The following FBRSL1 variants were observed in gnomAD, a reference collection of about 807,000 sequenced individuals.
The protein encoded by FBRSL1 is fibrosin-1-like protein.
A neutral mutation model predicts 89.6 loss-of-function variants in FBRSL1; 51 were observed. The ratio of observed to expected loss-of-function variants is 0.57; its 90% CI spans 0.45 to 0.72. The LOEUF (loss-of-function observed/expected upper bound fraction) is 0.72. FBRSL1 is among the 30% of genes least tolerant of loss of function. The probability of loss-of-function intolerance (pLI) is 0.00; values close to 1 mark genes in which losing one functional copy is unlikely to be tolerated. For missense variants in FBRSL1, 1,618 were observed against 1,451.8 expected, an observed-to-expected ratio of 1.11 and a Z score of -1.86; for synonymous variants, 779 against 681.1, an observed-to-expected ratio of 1.14 and a Z score of -2.24.
intron 2 of FBRSL1, chr12:132,511,940 A>G (rs1279504411): frequency 6.1e-6 from 6 of 984,838 alleles, no homozygotes; most frequent in Non-Finnish European, 7.2e-6. Flanking sequence ...CCGTGCCACT[A>G]TTTTTTATAA....
chr12:132,513,978 T>C (rs1474328017), intron 2 of FBRSL1, among the ~76,000 whole-genome samples: 1 of 152,148 alleles, frequency 6.6e-6, no homozygotes, highest in Non-Finnish European at 1.5e-5. Flanking sequence ...GCCCCGTCTC[T>C]CTGGACCCCT....
chr12:132,528,022 C>T (rs2035945672), intron 4 of FBRSL1, 34 bp downstream of exon 4: 2 of 1,547,464 alleles, frequency 1.3e-6, no homozygotes, highest in Non-Finnish European at 8.7e-7. Context: ...CCATCTTTGT[C>T]CCCCTGGGGC....
intron 1 of FBRSL1, among the ~76,000 whole-genome samples, chr12:132,502,094 G>A (rs1167537308): frequency 3.3e-5 from 5 of 152,184 alleles, no homozygotes; most frequent in East Asian, 1.9e-4. Flanking sequence ...TGAGTGATGC[G>A]TCCCACTCAG....
intron 1 of FBRSL1, chr12:132,507,078 C>A: frequency 2.1e-6 from 1 of 475,570 alleles, no homozygotes; most frequent in Non-Finnish European, 2.7e-6. Context: ...ACCGGAGGGA[C>A]AGCCAAGGTC....
intron 5 of FBRSL1, among the ~76,000 whole-genome samples, chr12:132,555,321 A>C (rs1471301435): frequency 6.6e-6 from 1 of 151,936 alleles, no homozygotes; most frequent in Non-Finnish European, 1.5e-5. Context: ...CGTGGCCTCC[A>C]CGGTAGCCGC....
intron 4 of FBRSL1, among the ~76,000 whole-genome samples, chr12:132,538,575 G>A (rs1047825751): frequency 2.6e-5 from 4 of 152,168 alleles, no homozygotes; most frequent in Non-Finnish European, 4.4e-5. Flanking sequence ...AGCCCCCACC[G>A]GGAGGCACCC....
At chr12:132,561,717 C>A (rs1566205638) in intron 5 of FBRSL1, among the ~76,000 whole-genome samples, 1 of 152,174 alleles carries the variant, frequency 6.6e-6, no homozygotes. Flanking sequence ...GGACGCCAGC[C>A]AAGAAGAGGG....
intron 3 of FBRSL1, among the ~76,000 whole-genome samples, chr12:132,527,459 CCA>C (rs1231987848): frequency 1.3e-5 from 2 of 152,228 alleles, no homozygotes; most frequent in Non-Finnish European, 2.9e-5. Flanking sequence ...GGGGAGGACC[CCA>C]CCACGACGCC....
intron 1 of FBRSL1, 85 bp from the exon 2 acceptor site, chr12:132,508,068 C>T (rs926409202): frequency 1.4e-6 from 2 of 1,425,044 alleles, no homozygotes; most frequent in African/African-American, 2.9e-5. Context: ...AGGCTCCTTC[C>T]CAAGAGCTGC....
At position 132,570,331 on chromosome 12, in the gene FBRSL1, G is replaced by T. The variant is rs950049412; in HGVS notation, c.1008-4G>T. 8 of 1,528,896 alleles carry T rather than the reference G, an allele frequency of 5.2e-6. No individual in the cohort carries two copies. Among genetic ancestry groups the T allele is most frequent in the Non-Finnish European group, 7.0e-6 (8 of 1,143,150 alleles). 94.7% of individuals were successfully genotyped at this position (1,528,896 alleles called of 1,614,324 possible). On this transcript the variant is annotated splice_polypyrimidine_tract_variant and splice_region_variant and intron_variant, in intron 7 of 18. Transcript: ENST00000680143. ...TGGCAGGCACTGAGCCCCGTGTCCC[G>T]CAGCAGGAGCAGCAGCGCCCCCCTG...
At chr12:132,517,932 A>G (rs2034992341) in intron 2 of FBRSL1, among the ~76,000 whole-genome samples, 1 of 152,116 alleles carries the variant, frequency 6.6e-6, no homozygotes, top group South Asian at 2.1e-4. Flanking sequence ...CAGGGCGCCA[A>G]CTGAGCAAGA....
intron 5 of FBRSL1, 53 bp from the exon 6 acceptor site, chr12:132,567,428 C>T: frequency 6.5e-7 from 1 of 1,537,238 alleles, no homozygotes; most frequent in Non-Finnish European, 8.8e-7. Flanking sequence ...GCGCAAGGTC[C>T]ACGAGGATGA....
chr12:132,494,079 C>G (rs1315949876), intron 1 of FBRSL1, among the ~76,000 whole-genome samples: 1 of 152,188 alleles, frequency 6.6e-6, no homozygotes, highest in Non-Finnish European at 1.5e-5. Context: ...ACTTTCTACT[C>G]TGTAACCAGG....
intron 5 of FBRSL1, chr12:132,566,429 G>T (rs925046522): frequency 2.0e-5 from 3 of 148,782 alleles, no homozygotes; most frequent in Admixed American, 1.3e-4. Context: ...AAAAGAAGAA[G>T]AAGAAACTAG....
intron 1 of FBRSL1, among the ~76,000 whole-genome samples, chr12:132,505,824 C>T (rs955677969): frequency 2.6e-5 from 4 of 152,350 alleles, no homozygotes; most frequent in Middle Eastern, 3.4e-3. Context: ...GCCAGCCGCA[C>T]GGCTCTCCCA....
intron 1 of FBRSL1, among the ~76,000 whole-genome samples, chr12:132,492,717 C>G (rs545847628): frequency 6.6e-6 from 1 of 152,212 alleles, no homozygotes; most frequent in Non-Finnish European, 1.5e-5. Flanking sequence ...CCAGCTGGCC[C>G]CTCAGGTCAT....
chr12:132,494,579 G>A (rs1342364681), intron 1 of FBRSL1, among the ~76,000 whole-genome samples: 1 of 152,254 alleles, frequency 6.6e-6, no homozygotes, highest in African/African-American at 2.4e-5. Flanking sequence ...AGGTGGCAGG[G>A]TGCCCAGGAG....
intron 1 of FBRSL1, chr12:132,507,506 G>T: frequency 4.6e-6 from 4 of 862,918 alleles, no homozygotes; most frequent in Non-Finnish European, 5.6e-6. Context: ...GCTAGAAGGT[G>T]CTCTGAAGGA....
intron 2 of FBRSL1, among the ~76,000 whole-genome samples, chr12:132,514,490 G>A (rs1370919159): frequency 1.3e-5 from 2 of 152,234 alleles, no homozygotes; most frequent in Non-Finnish European, 2.9e-5. Context: ...TGCAGTGATA[G>A]GGGACATCCC....
Sources: allele counts gnomAD v4.1 joint callset (sites outside exome capture counted in the v4.1 genomes callset), GRCh38; gene constraint gnomAD v4.1.1; transcripts MANE v1.5; gene names NCBI Gene and HGNC (gene_info 2026-07-23, HGNC 2026-07-21).